Variants in IFT88 observed in about 807,000 individuals in gnomAD.
The protein encoded by IFT88 is intraflagellar transport 88.
IFT88 carries 74 observed loss-of-function variants against 119.5 expected under a neutral mutation model. That is an observed-to-expected ratio of 0.62 (90% CI 0.51 to 0.75). The LOEUF (loss-of-function observed/expected upper bound fraction) is 0.75, where lower values mean the gene tolerates loss of function less well. Ranked by LOEUF, IFT88 falls within the 30% of genes least tolerant of loss-of-function variation. The probability of loss-of-function intolerance (pLI) is 0.00; values close to 1 mark genes in which losing one functional copy is unlikely to be tolerated. For missense variants in IFT88, 961 were observed against 977.7 expected (o/e 0.98, Z 0.23); for synonymous variants, 279 against 316.7 (o/e 0.88, Z 1.26).
At chr13:20,649,241 C>T (rs2051207678) in intron 20 of IFT88, among the ~76,000 whole-genome samples, 1 of 152,034 alleles carries the variant, frequency 6.6e-6, no homozygotes, top group South Asian at 2.1e-4. Flanking sequence ...GGAACGTTCT[C>T]CAGGATAAAC....
At chr13:20,676,997 A>G (rs2056754607) in intron 24 of IFT88, among the ~76,000 whole-genome samples, 1 of 152,066 alleles carries the variant, frequency 6.6e-6, no homozygotes, top group South Asian at 2.1e-4. Context: ...CTGCTGTTTT[A>G]TCTACAGATA....
At chr13:20,599,358 A>G in intron 10 of IFT88, 93 bp from the exon 11 acceptor site, 1 of 556,654 alleles carries the variant, frequency 1.8e-6, no homozygotes, top group African/African-American at 2.0e-5. Context: ...ATAACTGAGA[A>G]ATGCTTCAGA....
intron 22 of IFT88, among the ~76,000 whole-genome samples, chr13:20,660,299 G>A (rs1223186849): frequency 6.6e-6 from 1 of 152,180 alleles, no homozygotes; most frequent in Non-Finnish European, 1.5e-5. Context: ...AAGCACAGTG[G>A]ACGATGTGAT....
In IFT88 at chr13:20,567,435, C is replaced by T. The variant is rs540416765; in HGVS notation, c.-7+179C>T. 4.4e-3 allele frequency among the ~76,000 whole-genome samples: 671 copies of T among 152,358 alleles called. 3 individuals carry two copies. The highest frequency in any genetic ancestry group is 0.027 in the Middle Eastern group (8 of 294). ...ACTCGGCCTGCCCCTGCTTTTCTTC[C>T]TCAGGCTCCCGAGTTGTCTACTCAG... On this transcript the variant is annotated intron_variant, in intron 1 of 25. Coordinates refer to ENST00000351808, the MANE Select transcript of IFT88 (RefSeq NM_006531.5).
At chr13:20,582,870 C>T (rs1057470760) in intron 2 of IFT88, 87 bp from the exon 3 acceptor site, 1 of 958,042 alleles carries the variant, frequency 1.0e-6, no homozygotes, top group Non-Finnish European at 1.6e-6. Flanking sequence ...GTTATAGAGG[C>T]TCTTGAGTAC....
intron 20 of IFT88, among the ~76,000 whole-genome samples, chr13:20,647,374 A>G (rs1272634830): frequency 6.6e-6 from 1 of 152,160 alleles, no homozygotes; most frequent in African/African-American, 2.4e-5. Flanking sequence ...TTGAGAAGTG[A>G]GAGTATTAGT....
chr13:20,684,818 G>A (rs930472009), intron 24 of IFT88, among the ~76,000 whole-genome samples: 8 of 152,308 alleles, frequency 5.3e-5, no homozygotes, highest in Non-Finnish European at 1.0e-4. Flanking sequence ...AAGAGTACTC[G>A]GGTGTTCCCC....
chr13:20,572,837 C>T (rs1481343108), intron 1 of IFT88, among the ~76,000 whole-genome samples: 1 of 152,152 alleles, frequency 6.6e-6, no homozygotes, highest in South Asian at 2.1e-4. Flanking sequence ...CGCAAATTAG[C>T]TTTGCCTGTT....
chr13:20,613,518 A>C (rs1045478567), intron 13 of IFT88, among the ~76,000 whole-genome samples: 1 of 152,188 alleles, frequency 6.6e-6, no homozygotes, highest in Non-Finnish European at 1.5e-5. Flanking sequence ...AACAGCATAC[A>C]AGTGCCCCAA....
chr13:20,567,895 AG>A, intron 1 of IFT88: 1 of 626,018 alleles, frequency 1.6e-6, no homozygotes, highest in Non-Finnish European at 2.7e-6. Flanking sequence ...AAACTGCAGT[AG>A]GCTTCTTGGA....
At chr13:20,682,764 A>C (rs966902099) in intron 24 of IFT88, among the ~76,000 whole-genome samples, 2 of 152,356 alleles carry the variant, frequency 1.3e-5, no homozygotes, top group Non-Finnish European at 2.9e-5. Context: ...ATTTTTTACA[A>C]GTAGGTTCAA....
At chr13:20,572,177 A>G (rs1180774778) in intron 1 of IFT88, among the ~76,000 whole-genome samples, 10 of 151,950 alleles carry the variant, frequency 6.6e-5, no homozygotes, top group African/African-American at 1.2e-4. Flanking sequence ...TAGCTGCTTT[A>G]TCATGTACTT....
At chr13:20,688,244 G>A (rs546860992) in intron 24 of IFT88, among the ~76,000 whole-genome samples, 45 of 152,354 alleles carry the variant, frequency 3.0e-4, no homozygotes, top group African/African-American at 9.1e-4. Context: ...CTACTCGAGA[G>A]GCTGAGGCAG....
At chr13:20,612,531 G>T (rs1014668349) in intron 13 of IFT88, among the ~76,000 whole-genome samples, 4 of 152,040 alleles carry the variant, frequency 2.6e-5, no homozygotes, top group Admixed American at 2.6e-4. Context: ...TTATGGATAG[G>T]CACTTAATGT....
intron 24 of IFT88, among the ~76,000 whole-genome samples, chr13:20,677,850 T>C (rs1160984675): frequency 6.6e-6 from 1 of 152,190 alleles, no homozygotes; most frequent in Non-Finnish European, 1.5e-5. Flanking sequence ...TAAGAAGAGA[T>C]TTGAAAAAGT....
intron 22 of IFT88, among the ~76,000 whole-genome samples, chr13:20,658,423 GATTTTC>G (rs1224626618): frequency 2.6e-5 from 4 of 152,122 alleles, no homozygotes; most frequent in Admixed American, 2.6e-4. Flanking sequence ...TACCTAGAAA[GATTTTC>G]ATTTAGATTT....
intron 13 of IFT88, among the ~76,000 whole-genome samples, chr13:20,609,937 C>T (rs564639580): frequency 6.6e-6 from 1 of 152,038 alleles, no homozygotes; most frequent in Non-Finnish European, 1.5e-5. Flanking sequence ...CATGGCTTGG[C>T]TTGTGGGGTC....
chr13:20,646,761 G>C (rs756543577), intron 20 of IFT88, among the ~76,000 whole-genome samples: 4 of 150,120 alleles, frequency 2.7e-5, no homozygotes, highest in Non-Finnish European at 4.4e-5. Flanking sequence ...TTATCTTGCA[G>C]TCTCAGCCTC....
chr13:20,678,537 G>A (rs934759496), intron 24 of IFT88, among the ~76,000 whole-genome samples: 1 of 152,228 alleles, frequency 6.6e-6, no homozygotes, highest in Admixed American at 6.5e-5. Flanking sequence ...TGTTGTTAAG[G>A]CACAGGCTGC....
Sources: allele counts gnomAD v4.1 joint callset (sites outside exome capture counted in the v4.1 genomes callset), GRCh38; gene constraint gnomAD v4.1.1; transcripts MANE v1.5; gene names NCBI Gene and HGNC (gene_info 2026-07-23, HGNC 2026-07-21).